KLF8: variants seen among roughly 807,000 people sequenced by gnomAD.
The protein encoded by KLF8 is Krueppel-like factor 8.
In KLF8, 10 loss-of-function variants were observed where a neutral mutation model predicts 18.2. The observed-to-expected ratio is 0.55, with a 90% CI of 0.34 to 0.93. The LOEUF is 0.93. Ranked by LOEUF, KLF8 falls within the 40% of genes least tolerant of loss-of-function variation. The pLI is 0.02. For missense variants in KLF8, 264 were observed against 277.9 expected (o/e 0.95, Z 0.36); for synonymous variants, 109 against 97.3 (o/e 1.12, Z -0.71).
At chrX:56,125,776 G>T in the KLF8 span, among the ~76,000 whole-genome samples, 16 of 111,753 alleles carry the variant, frequency 1.4e-4, no homozygotes, top group South Asian at 3.8e-4. Context: ...TTTAGGGTGT[G>T]ATATACTCTC....
chrX:56,138,838 G>GA, the KLF8 span, among the ~76,000 whole-genome samples: 13 of 110,944 alleles, frequency 1.2e-4, no homozygotes, highest in Admixed American at 4.8e-4. Context: ...AAGAAAAAGA[G>GA]AAAAAAGTGC....
chrX:55,920,492 G>A, the KLF8 span, among the ~76,000 whole-genome samples: 6 of 111,195 alleles, frequency 5.4e-5, no homozygotes, highest in Admixed American at 5.8e-4. Context: ...AATAGAAAAA[G>A]GTGAAGTCCA....
the KLF8 span, among the ~76,000 whole-genome samples, chrX:55,922,467 C>A: frequency 2.7e-5 from 3 of 112,136 alleles, no homozygotes; most frequent in African/African-American, 9.7e-5. Context: ...GTCAGGGGGA[C>A]AGCAGGGGGA....
chrX:55,978,366 G>A, the KLF8 span, among the ~76,000 whole-genome samples: 1 of 111,979 alleles, frequency 8.9e-6, no homozygotes, highest in Non-Finnish European at 1.9e-5. Flanking sequence ...AATTAGTGTG[G>A]AAAAGGCTGC....
the KLF8 span, among the ~76,000 whole-genome samples, chrX:56,141,769 T>A: frequency 8.9e-6 from 1 of 111,735 alleles, no homozygotes. Flanking sequence ...CACAAGTGTA[T>A]CCTTAATAAA....
chrX:56,039,770 T>C, the KLF8 span, among the ~76,000 whole-genome samples: 2 of 111,719 alleles, frequency 1.8e-5, no homozygotes, highest in African/African-American at 6.5e-5. Flanking sequence ...AAGAAGAATG[T>C]CAATGGTAGT....
intron 2 of KLF8, among the ~76,000 whole-genome samples, chrX:56,264,849 G>A (rs542738511): frequency 8.9e-6 from 1 of 111,771 alleles, no homozygotes; most frequent in African/African-American, 3.2e-5. Context: ...TAATATGTTG[G>A]TATGTACTTA....
At chrX:56,160,572 C>A in the KLF8 span, among the ~76,000 whole-genome samples, 3 of 111,172 alleles carry the variant, frequency 2.7e-5, no homozygotes, top group Non-Finnish European at 5.7e-5. Flanking sequence ...TCTGGGTGCT[C>A]CTGTATTGGG....
the KLF8 span, among the ~76,000 whole-genome samples, chrX:56,166,866 G>T: frequency 9.0e-6 from 1 of 111,684 alleles, no homozygotes; most frequent in Non-Finnish European, 1.9e-5. Flanking sequence ...TGCTCCAGAT[G>T]TGACAATTGC....
chrX:55,934,613 T>A, the KLF8 span, among the ~76,000 whole-genome samples: 1 of 112,492 alleles, frequency 8.9e-6, no homozygotes, highest in Non-Finnish European at 1.9e-5. Context: ...CTCTATTTAG[T>A]CAGCATCTCT....
the KLF8 span, among the ~76,000 whole-genome samples, chrX:56,128,466 A>G: frequency 3.6e-5 from 4 of 111,613 alleles, no homozygotes; most frequent in Non-Finnish European, 5.7e-5. Context: ...AGAAAAATCT[A>G]TTACTTAATT....
At chrX:56,003,381 G>A in the KLF8 span, among the ~76,000 whole-genome samples, 1 of 108,559 alleles carries the variant, frequency 9.2e-6, no homozygotes, top group Non-Finnish European at 1.9e-5. Context: ...CTGCACCCCA[G>A]CCTGGGTGAC....
the KLF8 span, among the ~76,000 whole-genome samples, chrX:56,142,802 T>A: frequency 8.9e-6 from 1 of 111,934 alleles, no homozygotes; most frequent in African/African-American, 3.2e-5. Context: ...TGGAAGTCTC[T>A]GTGACACTCT....
chrX:56,071,780 G>A, the KLF8 span, among the ~76,000 whole-genome samples: 1 of 111,788 alleles, frequency 8.9e-6, no homozygotes, highest in Non-Finnish European at 1.9e-5. Context: ...CAAATCTCCA[G>A]GATTGTGAAT....
the KLF8 span, among the ~76,000 whole-genome samples, chrX:56,177,613 C>A: frequency 9.0e-6 from 1 of 111,420 alleles, no homozygotes; most frequent in Non-Finnish European, 1.9e-5. Flanking sequence ...GGGAGAACCA[C>A]TAATCTCTTC....
chrX:56,026,963 A>G, the KLF8 span, among the ~76,000 whole-genome samples: 1 of 112,779 alleles, frequency 8.9e-6, no homozygotes, highest in African/African-American at 3.2e-5. Flanking sequence ...TGTGCTGTCA[A>G]TAGGTAACGC....
At chrX:56,112,876 AT>A in the KLF8 span, among the ~76,000 whole-genome samples, 2 of 111,067 alleles carry the variant, frequency 1.8e-5, no homozygotes, top group African/African-American at 6.6e-5. Context: ...GTAGCTTTTA[AT>A]TTTTTTAAGG....
the KLF8 span, among the ~76,000 whole-genome samples, chrX:56,207,848 G>C: frequency 1.5e-4 from 16 of 110,314 alleles, no homozygotes; most frequent in Admixed American, 1.6e-3. Context: ...CTGTTCTCAT[G>C]CTGCTTACAA....
At chrX:56,093,490 C>T in the KLF8 span, among the ~76,000 whole-genome samples, 1 of 110,507 alleles carries the variant, frequency 9.0e-6, no homozygotes, top group Admixed American at 9.7e-5. Context: ...GCAACAAAGA[C>T]ATTCACAGGC....
Sources: gnomAD v4.1 joint callset for allele counts (sites outside exome capture counted in the v4.1 genomes callset) on GRCh38, gnomAD v4.1.1 for gene constraint, MANE v1.5 for transcripts, NCBI Gene and HGNC (gene_info 2026-07-23, HGNC 2026-07-21) for gene names.